TMX3: variants seen among roughly 807,000 people sequenced by gnomAD.
TMX3 encodes the protein protein disulfide-isomerase TMX3.
In TMX3, 40 loss-of-function variants were observed where a neutral mutation model predicts 64.4. The observed-to-expected ratio is 0.62, with a 90% CI of 0.48 to 0.81. The LOEUF is 0.81. Among genes scored for constraint, TMX3 ranks in the 30% least tolerant of loss-of-function variants. The probability of loss-of-function intolerance (pLI) is 0.00; values close to 1 mark genes in which losing one functional copy is unlikely to be tolerated. For missense variants in TMX3, 497 were observed against 534.5 expected (o/e 0.93, Z 0.69); for synonymous variants, 189 against 175.7 (o/e 1.08, Z -0.60).
intron 7 of TMX3, chr18:68,697,616 A>G: frequency 2.7e-6 from 1 of 372,550 alleles, no homozygotes. Context: ...ATGTGTGTAT[A>G]CACACATACA....
At chr18:68,696,877 AACAC>A (rs35563490) in intron 8 of TMX3, 85 of 167,862 alleles carry the variant, frequency 5.1e-4, no homozygotes, top group South Asian at 1.7e-3. Context: ...CTGTATCTGC[AACAC>A]ACACACACAC....
chr18:68,698,030 C>A lies in TMX3; in HGVS notation c.394G>T (p.Ala132Ser). The A allele has an allele frequency of 6.2e-7, 1 of 1,606,500 alleles. No individual in the cohort carries two copies. Among genetic ancestry groups the A allele is most frequent in the Non-Finnish European group, 8.5e-7 (1 of 1,176,906 alleles). The change falls in exon 7 of 16, where the codon GCT becomes TCT. Residue 132 changes from alanine (A) to serine (S), a missense_variant and splice_region_variant. By Grantham distance (99) the Ala-to-Ser change is moderately conservative. Transcript: ENST00000299608. Reference sequence around the variant, plus strand: ...TGACTTGGAAGTGGCCGAATTAGAGCCCTGTTGCACAACAAAACAAAAAAC... The same window carrying A: ...TGACTTGGAAGTGGCCGAATTAGAGACCTGTTGCACAACAAAACAAAAAAC... ...IIEFAHRVSG[A>S]LIRPLPSQQM...
At chr18:68,714,803 G>T (rs1353868190) in intron 1 of TMX3, 133 bp downstream of exon 1, 1 of 1,249,278 alleles carries the variant, frequency 8.0e-7, no homozygotes, top group African/African-American at 1.6e-5. Flanking sequence ...GGGGCGGCAG[G>T]ACGCTGCCGG....
chr18:68,684,206 T>C lies in TMX3; in HGVS notation c.832A>G (p.Arg278Gly), dbSNP rs747298598. The C allele has an allele frequency of 2.5e-6, 4 of 1,611,634 alleles. No individual in the cohort carries two copies. The South Asian group carries it at 3.3e-5, about 13-fold the overall frequency. Reference sequence around the variant, plus strand: ...AGCACCTACCTATGGAAGAGGTCTCTGTAATCTCTTGCAACTTCCTGAATA... The same window carrying C: ...AGCACCTACCTATGGAAGAGGTCTCCGTAATCTCTTGCAACTTCCTGAATA... Reference protein sequence around the residue: ...SIIQEVARDYRDLFHRDFQFG... With the variant: ...SIIQEVARDYGDLFHRDFQFG... The change falls in exon 12 of 16, where the codon AGA becomes GGA. Residue 278 changes from arginine to glycine, a missense_variant. Coordinates refer to ENST00000299608, the MANE Select transcript of TMX3 (RefSeq NM_019022.5).
chr18:68,701,040 G>A, intron 5 of TMX3: 10 of 983,042 alleles, frequency 1.0e-5, no homozygotes, highest in Non-Finnish European at 1.2e-5. Context: ...GGAAAAATTG[G>A]GAAGCACAAC....
intron 5 of TMX3, 52 bp from the exon 6 acceptor site, chr18:68,700,537 TTTAATG>T: frequency 7.7e-7 from 1 of 1,290,990 alleles, no homozygotes; most frequent in Non-Finnish European, 1.1e-6. Flanking sequence ...AGTTTTAATA[TTTAATG>T]TTAATCATTA....
At chr18:68,697,450 G>A in intron 7 of TMX3, 147 bp from the exon 8 acceptor site, 1 of 430,562 alleles carries the variant, frequency 2.3e-6, no homozygotes, top group Non-Finnish European at 4.2e-6. Flanking sequence ...GAGAAGAAAT[G>A]TAAGCAAATA....
chr18:68,696,970 T>C (rs1336489249), intron 8 of TMX3: 2 of 301,124 alleles, frequency 6.6e-6, no homozygotes, highest in African/African-American at 4.4e-5. Context: ...TCATCACTAC[T>C]TTTATTTTAA....
intron 6 of TMX3, 102 bp from the exon 7 acceptor site, chr18:68,698,133 A>G: frequency 1.4e-6 from 1 of 731,816 alleles, no homozygotes; most frequent in East Asian, 2.7e-5. Context: ...TTAAGTTTCA[A>G]TAATATATCA....
chr18:68,691,971 T>C (rs776866335), intron 8 of TMX3, among the ~76,000 whole-genome samples: 5 of 152,140 alleles, frequency 3.3e-5, no homozygotes, highest in Admixed American at 6.5e-5. Context: ...CATGAGCATG[T>C]TAATACTGAA....
intron 9 of TMX3, 146 bp downstream of exon 9, chr18:68,691,149 A>G (rs1914479340): frequency 2.2e-6 from 1 of 462,608 alleles, no homozygotes; most frequent in African/African-American, 2.0e-5. Context: ...AGGGTGAAAA[A>G]AAACCCAAAA....
intron 12 of TMX3, among the ~76,000 whole-genome samples, chr18:68,683,796 C>T (rs1053764091): frequency 1.3e-5 from 2 of 152,096 alleles, no homozygotes; most frequent in Non-Finnish European, 1.5e-5. Flanking sequence ...TTCAGTTCCC[C>T]ATGGTCAACC....
intron 8 of TMX3, among the ~76,000 whole-genome samples, chr18:68,692,841 T>C (rs555838601): frequency 2.0e-4 from 31 of 152,326 alleles, no homozygotes; most frequent in Admixed American, 8.5e-4. Flanking sequence ...ATGCTACATA[T>C]ATGCCCACCC....
intron 6 of TMX3, among the ~76,000 whole-genome samples, 153 bp downstream of exon 6, chr18:68,700,252 G>A (rs904759392): frequency 3.5e-4 from 53 of 152,044 alleles, no homozygotes; most frequent in African/African-American, 1.2e-3. Context: ...CTTTGGATAC[G>A]CTGTATAATC....
chr18:68,700,842 C>T (rs1359593613), intron 5 of TMX3: 34 of 984,818 alleles, frequency 3.5e-5, no homozygotes, highest in Admixed American at 6.2e-5. Context: ...AATGAAAGGA[C>T]AGGGAAATAA....
At chr18:68,680,676 C>T (rs1455675006) in intron 14 of TMX3, among the ~76,000 whole-genome samples, 1 of 152,128 alleles carries the variant, frequency 6.6e-6, no homozygotes, top group African/African-American at 2.4e-5. Context: ...GACTTCCTAG[C>T]ATCCCTAAGC....
At chr18:68,708,646 T>C (rs2030963125) in intron 4 of TMX3, among the ~76,000 whole-genome samples, 1 of 152,170 alleles carries the variant, frequency 6.6e-6, no homozygotes, top group South Asian at 2.1e-4. Flanking sequence ...ACAAACTCTT[T>C]ATTTTCCATC....
At chr18:68,691,135 T>A in intron 9 of TMX3, 160 bp downstream of exon 9, 1 of 428,462 alleles carries the variant, frequency 2.3e-6, no homozygotes, top group Non-Finnish European at 4.2e-6. Context: ...CAATTATAAG[T>A]TGAAGGGTGA....
chr18:68,688,152 C>T (rs914698434), intron 9 of TMX3, among the ~76,000 whole-genome samples: 19 of 151,936 alleles, frequency 1.3e-4, no homozygotes, highest in African/African-American at 4.4e-4. Flanking sequence ...ACTGTAACTT[C>T]GTAAAAGAAA....
Sources: gnomAD v4.1 joint callset for allele counts (sites outside exome capture counted in the v4.1 genomes callset) on GRCh38, gnomAD v4.1.1 for gene constraint, MANE v1.5 for transcripts, NCBI Gene and HGNC (gene_info 2026-07-23, HGNC 2026-07-21) for gene names.